Variants in SYN2 observed in about 807,000 individuals in gnomAD.
SYN2 encodes synapsin-2.
SYN2 carries 19 observed loss-of-function variants against 50.9 expected under a neutral mutation model. That is an observed-to-expected ratio of 0.37 (90% confidence interval 0.26 to 0.55). The LOEUF is 0.55. SYN2 is among the 20% of genes least tolerant of loss of function. SYN2 has a pLI of 0.81. For synonymous variants in SYN2, 255 were observed against 224.9 expected, an observed-to-expected ratio of 1.13 and a Z score of -1.20; for missense variants, 587 against 576.4, an observed-to-expected ratio of 1.02 and a Z score of -0.19.
At chr3:12,023,370 AC>A (rs1694187487) in intron 1 of SYN2, among the ~76,000 whole-genome samples, 1 of 149,936 alleles carries the variant, frequency 6.7e-6, no homozygotes, top group South Asian at 2.1e-4. Context: ...TTCCCCCCCC[AC>A]CCCCAAAGAA....
At chr3:12,168,332 G>T in intron 8 of SYN2, 44 bp from the exon 9 acceptor site, 1 of 1,542,180 alleles carries the variant, frequency 6.5e-7, no homozygotes, top group South Asian at 1.2e-5. Context: ...GCTTTGTGGT[G>T]AGCGAATTGC....
At chr3:12,088,364 CA>C (rs1695755796) in intron 1 of SYN2, among the ~76,000 whole-genome samples, 1 of 128,864 alleles carries the variant, frequency 7.8e-6, no homozygotes, top group African/African-American at 3.7e-5. Flanking sequence ...AGTGAGATAA[CA>C]TCTCATACCT....
intron 1 of SYN2, among the ~76,000 whole-genome samples, chr3:12,052,317 T>C (rs78342300): frequency 6.6e-6 from 1 of 151,764 alleles, no homozygotes; most frequent in Admixed American, 6.6e-5. Flanking sequence ...TTTTTTTTTT[T>C]GCACCTACTG....
At chr3:12,143,921 G>A (rs1697086298) in intron 3 of SYN2, among the ~76,000 whole-genome samples, 1 of 152,204 alleles carries the variant, frequency 6.6e-6, no homozygotes, top group South Asian at 2.1e-4. Flanking sequence ...AAAAGCTTAA[G>A]TCCTCGAGTG....
At chr3:12,154,578 C>T in intron 5 of SYN2, 1 of 965,786 alleles carries the variant, frequency 1.0e-6, no homozygotes, top group Non-Finnish European at 1.6e-6. Flanking sequence ...TGGCATGGGG[C>T]TCAGTGAAGG....
chr3:12,116,896 A>C (rs1696444520), intron 1 of SYN2, among the ~76,000 whole-genome samples: 1 of 152,088 alleles, frequency 6.6e-6, no homozygotes, highest in Non-Finnish European at 1.5e-5. Context: ...GACTACAGGC[A>C]TGCACACCAT....
At chr3:12,051,093 T>C (rs533785240) in intron 1 of SYN2, among the ~76,000 whole-genome samples, 1 of 152,262 alleles carries the variant, frequency 6.6e-6, no homozygotes, top group East Asian at 1.9e-4. Context: ...AGCAAAAGGA[T>C]TAATGTCTTG....
chr3:12,156,753 C>T, intron 5 of SYN2: 1 of 1,352,544 alleles, frequency 7.4e-7, no homozygotes. Context: ...ACCCTGGCTC[C>T]TTTCTCACTA....
chr3:12,144,413 G>A (rs1332588335), intron 3 of SYN2, among the ~76,000 whole-genome samples: 1 of 152,172 alleles, frequency 6.6e-6, no homozygotes. Flanking sequence ...CCTATTTTAA[G>A]GAGCAGCTTT....
At chr3:12,020,754 T>C (rs186665582) in intron 1 of SYN2, among the ~76,000 whole-genome samples, 1 of 152,350 alleles carries the variant, frequency 6.6e-6, no homozygotes, top group East Asian at 1.9e-4. Flanking sequence ...ATGTACTTCA[T>C]ATATTCTTTC....
chr3:12,132,291 A>C (rs527813396), intron 1 of SYN2, among the ~76,000 whole-genome samples: 3 of 152,268 alleles, frequency 2.0e-5, no homozygotes, highest in South Asian at 4.1e-4. Context: ...GTCCTCACCT[A>C]AGGAAGTATA....
At chr3:12,039,199 C>G (rs764572995) in intron 1 of SYN2, among the ~76,000 whole-genome samples, 7 of 152,050 alleles carry the variant, frequency 4.6e-5, no homozygotes, top group African/African-American at 7.2e-5. Flanking sequence ...ATATATATTA[C>G]ATTGACTAAT....
chr3:12,143,658 C>CTA (rs1259601695), intron 3 of SYN2, among the ~76,000 whole-genome samples: 2 of 151,968 alleles, frequency 1.3e-5, no homozygotes, highest in Non-Finnish European at 2.9e-5. Flanking sequence ...ATGGTGTATG[C>CTA]TATATATATT....
chr3:12,102,084 G>A (rs2125189619), intron 1 of SYN2, among the ~76,000 whole-genome samples: 1 of 152,218 alleles, frequency 6.6e-6, no homozygotes, highest in South Asian at 2.1e-4. Context: ...AGGACATGAG[G>A]ATTCTATTTT....
At chr3:12,034,962 G>C (rs1355163458) in intron 1 of SYN2, among the ~76,000 whole-genome samples, 1 of 152,162 alleles carries the variant, frequency 6.6e-6, no homozygotes, top group Admixed American at 6.5e-5. Context: ...ATATGGGTGA[G>C]ACTCAAGGCA....
At chr3:12,078,444 A>G (rs575631030) in intron 1 of SYN2, among the ~76,000 whole-genome samples, 2 of 152,304 alleles carry the variant, frequency 1.3e-5, no homozygotes, top group East Asian at 3.9e-4. Flanking sequence ...TGGATTTTAC[A>G]TTTAACTGTT....
chr3:12,170,611 C>T (rs1697916751), intron 10 of SYN2, among the ~76,000 whole-genome samples: 1 of 148,666 alleles, frequency 6.7e-6, no homozygotes, highest in Non-Finnish European at 1.5e-5. Context: ...TCAAAAGTAT[C>T]CCCAAAGTCC....
chr3:12,092,378 A>G (rs763156883), intron 1 of SYN2, among the ~76,000 whole-genome samples: 19 of 152,180 alleles, frequency 1.2e-4, no homozygotes, highest in Admixed American at 2.0e-4. Flanking sequence ...CCACGAGCTC[A>G]TTCTAGTAGG....
chr3:12,106,501 C>G (rs1286469409), intron 1 of SYN2, among the ~76,000 whole-genome samples: 4 of 152,104 alleles, frequency 2.6e-5, no homozygotes, highest in Non-Finnish European at 4.4e-5. Context: ...TTACTGGATC[C>G]TAAGAGTCTT....
Sources: allele counts gnomAD v4.1 joint callset (sites outside exome capture counted in the v4.1 genomes callset), GRCh38; gene constraint gnomAD v4.1.1; transcripts MANE v1.5; gene names NCBI Gene and HGNC (gene_info 2026-07-23, HGNC 2026-07-21).